Variants in EYA2 observed in about 807,000 individuals in gnomAD.
EYA2 encodes the protein protein phosphatase EYA2.
EYA2 carries 31 observed loss-of-function variants against 69.2 expected under a neutral mutation model. That is an observed-to-expected ratio of 0.45 (90% confidence interval 0.34 to 0.60). The LOEUF is 0.60. Ranked by LOEUF, EYA2 falls within the 20% of genes least tolerant of loss-of-function variation. EYA2 has a pLI of 0.02. For synonymous variants in EYA2, 257 were observed against 279.4 expected (o/e 0.92, Z 0.80); for missense variants, 622 against 701.2 (o/e 0.89, Z 1.28).
intron 9 of EYA2, among the ~76,000 whole-genome samples, chr20:47,102,218 G>C (rs1006490602): frequency 2.0e-5 from 3 of 152,158 alleles, no homozygotes; most frequent in African/African-American, 7.2e-5. Context: ...AGGCGTTAAT[G>C]CCAATGTCCC....
At chr20:46,973,816 A>G (rs1013786553) in intron 1 of EYA2, among the ~76,000 whole-genome samples, 29 of 151,538 alleles carry the variant, frequency 1.9e-4, no homozygotes, top group African/African-American at 6.0e-4. Context: ...AAAAACCCTC[A>G]TCGTATGAAA....
Position 47,087,269 on chromosome 20 carries a change from C to CT in EYA2, c.662-1965dup, listed in dbSNP as rs1600699304. Among the ~76,000 whole-genome samples the CT allele has an allele frequency of 2.0e-5, 3 of 152,298 alleles. No homozygotes were observed. The East Asian group carries it at 5.8e-4, about 29-fold the overall frequency. On this transcript the variant is annotated intron_variant, in intron 7 of 15. Transcript: ENST00000327619. ...AGAAAAAAACTCTCCCTAGCCAAGT[C>CT]TTTTTAGACAAAGGATTTTCCCCTG...
chr20:46,902,058 A>T (rs775704211), intron 1 of EYA2, among the ~76,000 whole-genome samples: 43 of 152,200 alleles, frequency 2.8e-4, no homozygotes, highest in Non-Finnish European at 4.4e-4. Context: ...AGCATTGCTC[A>T]GGCACCCACA....
At chr20:46,938,939 A>G (rs1038969833) in intron 1 of EYA2, among the ~76,000 whole-genome samples, 11 of 152,256 alleles carry the variant, frequency 7.2e-5, no homozygotes, top group African/African-American at 2.4e-4. Flanking sequence ...CTGTACTACT[A>G]CCTAACATTC....
rs1385130701 is a variant in EYA2 at position 47,087,514 on chromosome 20, C to T, written c.662-1725C>T. 2.0e-5 allele frequency among the ~76,000 whole-genome samples: 3 copies of T among 152,250 alleles called. No individual in the cohort carries two copies. In the East Asian group the frequency reaches 5.8e-4, roughly 29 times the overall value. ...ACTCACATGGTCCAGTAAGTCACCT[C>T]ACTAAACCTGAGTTACCTCGTTAGC... On this transcript the variant is annotated intron_variant, in intron 7 of 15. Coordinates refer to ENST00000327619, the MANE Select transcript of EYA2 (RefSeq NM_005244.5).
In EYA2 at chr20:47,140,892, G is replaced by A. The variant is rs535814611; in HGVS notation, c.889-2167G>A. Among the ~76,000 whole-genome samples, 12 of 152,282 alleles carry A rather than the reference G, an allele frequency of 7.9e-5. 1 individual carries two copies. Among genetic ancestry groups the A allele is most frequent in the African/African-American group, 2.9e-4 (12 of 41,552 alleles). ...CCATTCATGGTGGAAAGTGGAAGGG[G>A]AGTCAACGTGTGCAAAGATCACATG... is the stretch of plus-strand genomic sequence containing the variant. On this transcript the variant is annotated intron_variant, in intron 9 of 15. Coordinates refer to ENST00000327619, the MANE Select transcript of EYA2 (RefSeq NM_005244.5).
chr20:47,174,730 GTT>G (rs1005161317), intron 12 of EYA2, among the ~76,000 whole-genome samples: 14 of 152,210 alleles, frequency 9.2e-5, no homozygotes, highest in Non-Finnish European at 2.1e-4. Context: ...TAAGGTAAAT[GTT>G]TTTATCAACG....
intron 1 of EYA2, among the ~76,000 whole-genome samples, chr20:46,931,413 C>T (rs981166229): frequency 6.6e-6 from 1 of 152,180 alleles, no homozygotes; most frequent in South Asian, 2.1e-4. Context: ...GGCGACATGG[C>T]ACAGGCTCTG....
At chr20:46,979,990 T>C (rs1980724126) in intron 1 of EYA2, among the ~76,000 whole-genome samples, 2 of 152,214 alleles carry the variant, frequency 1.3e-5, no homozygotes, top group South Asian at 4.1e-4. Flanking sequence ...ACGACATAGC[T>C]GGGATTTGAA....
At chr20:47,071,474 A>C (rs2031313217) in intron 5 of EYA2, among the ~76,000 whole-genome samples, 1 of 151,854 alleles carries the variant, frequency 6.6e-6, no homozygotes, top group Admixed American at 6.6e-5. Flanking sequence ...CAGTTTGGCC[A>C]TTTCTTTAAA....
At chr20:46,929,418 G>A (rs368137857) in intron 1 of EYA2, among the ~76,000 whole-genome samples, 1 of 19,928 alleles carries the variant, frequency 5.0e-5, no homozygotes, top group Non-Finnish European at 2.1e-4. Context: ...CTGAGAAGGG[G>A]CTTTTTTTTT....
chr20:46,930,333 C>G (rs1190277082), intron 1 of EYA2, among the ~76,000 whole-genome samples: 1 of 152,162 alleles, frequency 6.6e-6, no homozygotes, highest in East Asian at 1.9e-4. Context: ...GTGCTAAAGG[C>G]TTTTTATAAT....
chr20:47,018,641 CG>C (rs1983557815), intron 5 of EYA2, among the ~76,000 whole-genome samples: 1 of 152,276 alleles, frequency 6.6e-6, no homozygotes, highest in East Asian at 1.9e-4. Context: ...AAAGGCCCCG[CG>C]GCAGGAAAAG....
chr20:47,035,208 C>T (rs1435354397), intron 5 of EYA2, among the ~76,000 whole-genome samples: 1 of 152,090 alleles, frequency 6.6e-6, no homozygotes, highest in Non-Finnish European at 1.5e-5. Flanking sequence ...TTGAAACCAC[C>T]CTAGTGAAAG....
chr20:47,125,206 A>G (rs1199816909), intron 9 of EYA2, among the ~76,000 whole-genome samples: 1 of 151,938 alleles, frequency 6.6e-6, no homozygotes, highest in African/African-American at 2.4e-5. Flanking sequence ...GGCACCTGCC[A>G]CTATGCCCGG....
chr20:46,930,863 C>T (rs967645590), intron 1 of EYA2, among the ~76,000 whole-genome samples: 6 of 152,182 alleles, frequency 3.9e-5, no homozygotes, highest in African/African-American at 9.7e-5. Context: ...ATCTAGTCTT[C>T]GCCATGACTC....
chr20:46,964,567 C>T (rs1979663614), intron 1 of EYA2, among the ~76,000 whole-genome samples: 1 of 152,226 alleles, frequency 6.6e-6, no homozygotes, highest in Non-Finnish European at 1.5e-5. Flanking sequence ...GTCACCTGTC[C>T]TGTGACGCAG....
chr20:47,117,713 A>G (rs2032941441), intron 9 of EYA2: 12 of 985,212 alleles, frequency 1.2e-5, no homozygotes, highest in Non-Finnish European at 1.4e-5. Flanking sequence ...AGAAGTTGCT[A>G]AGGTTCAAAT....
intron 8 of EYA2, among the ~76,000 whole-genome samples, chr20:47,090,886 C>T (rs967901651): frequency 7.9e-5 from 12 of 152,008 alleles, no homozygotes; most frequent in Admixed American, 1.3e-4. Flanking sequence ...GCCCCAAAAC[C>T]GGAAGTAAGC....
Sources: gnomAD v4.1 joint callset for allele counts (sites outside exome capture counted in the v4.1 genomes callset) on GRCh38, gnomAD v4.1.1 for gene constraint, MANE v1.5 for transcripts, NCBI Gene and HGNC (gene_info 2026-07-23, HGNC 2026-07-21) for gene names.